GRM5: variants seen among roughly 807,000 people sequenced by gnomAD.
The protein encoded by GRM5 is glutamate metabotropic receptor 5.
In GRM5, 19 loss-of-function variants were observed where a neutral mutation model predicts 83.1. The observed-to-expected ratio is 0.23, with a 90% CI of 0.16 to 0.34. GRM5 has a LOEUF of 0.34. GRM5 is among the 10% of genes least tolerant of loss of function. The pLI, the probability that GRM5 is intolerant of heterozygous loss-of-function variation, is 1.00. For missense variants in GRM5, 1,160 were observed against 1,588.3 expected (o/e 0.73, Z 4.58); for synonymous variants, 675 against 633.6 (o/e 1.07, Z -0.98).
chr11:88,868,915 A>C (rs952255929), intron 2 of GRM5, among the ~76,000 whole-genome samples: 2 of 151,708 alleles, frequency 1.3e-5, no homozygotes, highest in Non-Finnish European at 3.0e-5. Context: ...TTATGGTCTA[A>C]TTCTCCTGTC....
In GRM5 at chr11:89,053,416, C is replaced by T. The variant is rs1343900561; in HGVS notation, c.-200-5344G>A. On this transcript the variant is annotated intron_variant, in intron 1 of 9. Transcript: ENST00000305447. ...TAAGGTTAAATAGAAAGTCATCTTA[C>T]GTGCAATCAAAATACAAGAAATACA... Among the ~76,000 whole-genome samples the T allele has an allele frequency of 3.3e-5, 5 of 152,248 alleles. No homozygotes were observed. In the East Asian group the frequency reaches 9.6e-4, roughly 29 times the overall value.
chr11:88,926,925 T>C (rs1026205311), intron 2 of GRM5, among the ~76,000 whole-genome samples: 1 of 152,186 alleles, frequency 6.6e-6, no homozygotes, highest in African/African-American at 2.4e-5. Flanking sequence ...TATTTGATAA[T>C]TATATTTCAA....
intron 4 of GRM5, among the ~76,000 whole-genome samples, chr11:88,615,969 A>G (rs752619124): frequency 2.0e-5 from 3 of 152,156 alleles, no homozygotes; most frequent in Non-Finnish European, 2.9e-5. Flanking sequence ...AGCAGAGCAT[A>G]TAAGAGCACA....
intron 8 of GRM5, among the ~76,000 whole-genome samples, chr11:88,545,166 A>G (rs1176346392): frequency 1.3e-5 from 2 of 152,234 alleles, no homozygotes; most frequent in East Asian, 1.9e-4. Context: ...CTGTCATGCT[A>G]TCACTTGTAT....
intron 3 of GRM5, among the ~76,000 whole-genome samples, chr11:88,826,126 C>T (rs576362237): frequency 1.3e-5 from 2 of 152,084 alleles, no homozygotes; most frequent in South Asian, 2.1e-4. Context: ...AATGGTAGTT[C>T]GCAGAGACCA....
intron 4 of GRM5, among the ~76,000 whole-genome samples, chr11:88,616,061 T>C (rs1938471670): frequency 6.6e-6 from 1 of 152,134 alleles, no homozygotes; most frequent in African/African-American, 2.4e-5. Flanking sequence ...TTAGTTAACC[T>C]TTCTGTGCCT....
At chr11:88,529,312 T>C (rs1941953827) in intron 8 of GRM5, among the ~76,000 whole-genome samples, 1 of 151,246 alleles carries the variant, frequency 6.6e-6, no homozygotes, top group African/African-American at 2.4e-5. Context: ...AGTTTTATTA[T>C]AGAAACAAAT....
chr11:89,055,247 G>A (rs1591082750), intron 1 of GRM5, among the ~76,000 whole-genome samples: 1 of 152,222 alleles, frequency 6.6e-6, no homozygotes, highest in African/African-American at 2.4e-5. Flanking sequence ...TTGGCGGTGT[G>A]TCCTTAGGCA....
chr11:88,781,871 G>T (rs1942982362), intron 3 of GRM5, among the ~76,000 whole-genome samples: 1 of 152,116 alleles, frequency 6.6e-6, no homozygotes, highest in Admixed American at 6.6e-5. Flanking sequence ...CAAGCAATGG[G>T]GCTGCCCACA....
chr11:88,809,466 C>T (rs1720054834), intron 3 of GRM5, among the ~76,000 whole-genome samples: 1 of 151,966 alleles, frequency 6.6e-6, no homozygotes, highest in Admixed American at 6.6e-5. Context: ...TTTGGTCAGC[C>T]AGGCACTTTG....
At chr11:88,665,190 C>CACACACACACAT (rs1252638242) in intron 3 of GRM5, among the ~76,000 whole-genome samples, 1 of 151,820 alleles carries the variant, frequency 6.6e-6, no homozygotes, top group African/African-American at 2.4e-5. Flanking sequence ...CACACACACA[C>CACACACACACAT]ATCCCTCTTG....
chr11:88,840,816 T>G (rs532420534), intron 3 of GRM5, among the ~76,000 whole-genome samples: 1 of 152,186 alleles, frequency 6.6e-6, no homozygotes, highest in Non-Finnish European at 1.5e-5. Context: ...ATACTTTCCA[T>G]GTTGAACTCA....
intron 4 of GRM5, among the ~76,000 whole-genome samples, chr11:88,608,393 C>T (rs1938218904): frequency 6.6e-6 from 1 of 151,864 alleles, no homozygotes; most frequent in African/African-American, 2.4e-5. Flanking sequence ...TCCCTATCTT[C>T]TTTTGTGACA....
At chr11:88,521,278 G>A (rs574817279) in intron 9 of GRM5, among the ~76,000 whole-genome samples, 46 of 152,208 alleles carry the variant, frequency 3.0e-4, no homozygotes, top group African/African-American at 1.4e-4. Context: ...TTAGCCGGGC[G>A]TGGTGGCGGG....
intron 2 of GRM5, among the ~76,000 whole-genome samples, chr11:88,947,534 GTT>G (rs1408589409): frequency 6.9e-6 from 1 of 145,186 alleles, no homozygotes; most frequent in African/African-American, 2.5e-5. Context: ...TGCATTGTTA[GTT>G]TTTTTTTTTT....
intron 2 of GRM5, among the ~76,000 whole-genome samples, chr11:88,985,279 T>C (rs936780717): frequency 9.9e-5 from 15 of 152,152 alleles, no homozygotes; most frequent in African/African-American, 3.6e-4. Context: ...CCCCAGACTC[T>C]GGCAAATTTT....
intron 2 of GRM5, among the ~76,000 whole-genome samples, chr11:88,963,439 G>A (rs1938845131): frequency 6.6e-6 from 1 of 152,222 alleles, no homozygotes. Context: ...GTGAGCAGAA[G>A]TAGTGTTTGC....
chr11:88,685,727 G>C (rs150721390), intron 3 of GRM5, among the ~76,000 whole-genome samples: 2,750 of 152,346 alleles, frequency 0.018, 89 homozygotes, highest in African/African-American at 0.062. Context: ...CCAAGGTATA[G>C]CTTGGGCTGT....
chr11:89,013,723 T>C (rs551270419), intron 2 of GRM5, among the ~76,000 whole-genome samples: 2 of 152,356 alleles, frequency 1.3e-5, no homozygotes, highest in Admixed American at 1.3e-4. Context: ...CAGGGAAATG[T>C]CATTTCTACT....
Sources: gnomAD v4.1 joint callset for allele counts (sites outside exome capture counted in the v4.1 genomes callset) on GRCh38, gnomAD v4.1.1 for gene constraint, MANE v1.5 for transcripts, NCBI Gene and HGNC (gene_info 2026-07-23, HGNC 2026-07-21) for gene names.